Variants in LMBR1 observed in about 807,000 individuals in gnomAD.
LMBR1 encodes the protein limb region 1 protein homolog.
Under a neutral mutation model 73.9 loss-of-function variants are expected in LMBR1, and 52 were observed. That is an observed-to-expected ratio of 0.70 (90% confidence interval 0.56 to 0.89). The LOEUF (loss-of-function observed/expected upper bound fraction) is 0.89. LMBR1 is among the 40% of genes least tolerant of loss of function. The pLI is 0.00. For synonymous variants in LMBR1, 215 were observed against 209.4 expected, an observed-to-expected ratio of 1.03 and a Z score of -0.23; for missense variants, 539 against 579.8, an observed-to-expected ratio of 0.93 and a Z score of 0.72.
intron 15 of LMBR1, among the ~76,000 whole-genome samples, chr7:156,692,072 A>G (rs1476278157): frequency 6.6e-6 from 1 of 152,142 alleles, no homozygotes; most frequent in Admixed American, 6.5e-5. Flanking sequence ...TGTTGAAGCA[A>G]ACGCTTTACC....
At chr7:156,814,648 T>G (rs1053986839) in intron 4 of LMBR1, among the ~76,000 whole-genome samples, 9 of 152,246 alleles carry the variant, frequency 5.9e-5, no homozygotes, top group African/African-American at 2.2e-4. Context: ...CAATGGCAGA[T>G]AGCTAAGTGC....
chr7:156,729,968 A>C (rs1179714359), intron 10 of LMBR1, among the ~76,000 whole-genome samples: 1 of 152,248 alleles, frequency 6.6e-6, no homozygotes, highest in Non-Finnish European at 1.5e-5. Flanking sequence ...TATTCTGTGA[A>C]GTAAACTGAG....
At chr7:156,877,744 G>A (rs367960985) in intron 1 of LMBR1, among the ~76,000 whole-genome samples, 32 of 152,122 alleles carry the variant, frequency 2.1e-4, no homozygotes, top group Admixed American at 1.1e-3. Context: ...TTAGCTGGGC[G>A]CGGTGGCAGG....
intron 15 of LMBR1, among the ~76,000 whole-genome samples, chr7:156,721,124 C>T (rs78057277): frequency 0.032 from 4,871 of 152,090 alleles, 123 homozygotes; most frequent in South Asian, 0.084. Context: ...TTTTGTTTTA[C>T]TACCATAAGT....
intron 15 of LMBR1, among the ~76,000 whole-genome samples, chr7:156,704,755 T>TAA (rs201275771): frequency 1.2e-4 from 16 of 136,922 alleles, no homozygotes; most frequent in African/African-American, 2.1e-4. Context: ...TAGTTGTCTT[T>TAA]AAAAAAAAAA....
rs1585342879 is a variant in LMBR1, at chr7:156,716,630, T to G, written c.1225+7482A>C. On this transcript the variant is annotated intron_variant, in intron 15 of 16. Coordinates refer to ENST00000353442, the MANE Select transcript of LMBR1 (RefSeq NM_022458.4). The stretch of plus-strand genomic sequence containing the variant: ...AAACTTTCTCACTTGGAAAATTAAA[T>G]ATGTCCTTATTTCTTTTGGTTTGGT... Among the ~76,000 whole-genome samples the G allele has an allele frequency of 3.3e-5, 5 of 152,366 alleles. No homozygotes were observed. The South Asian group carries it at 1.0e-3, about 32-fold the overall frequency.
At chr7:156,773,344 C>T (rs192462243) in intron 5 of LMBR1, among the ~76,000 whole-genome samples, 57 of 152,190 alleles carry the variant, frequency 3.7e-4, no homozygotes, top group African/African-American at 1.2e-3. Flanking sequence ...AAAAAAACTA[C>T]TCTAAAATTC....
chr7:156,785,754 A>G (rs1229651914), intron 5 of LMBR1, among the ~76,000 whole-genome samples: 1 of 152,210 alleles, frequency 6.6e-6, no homozygotes, highest in Non-Finnish European at 1.5e-5. Context: ...AAGAATGCAA[A>G]AAAGTTAATA....
chr7:156,693,705 A>T (rs1585215241), intron 15 of LMBR1, among the ~76,000 whole-genome samples: 1 of 152,232 alleles, frequency 6.6e-6, no homozygotes, highest in East Asian at 1.9e-4. Context: ...AAATTCAACC[A>T]GACAATTCAA....
Position 156,728,674 on chromosome 7 carries a change from G to T in LMBR1, c.885C>A (p.Pro295=). ...ASAWERNLVY[P]AVMVLLLIET... ...CAATAAGAAGGAGAACCATAACAGC[G>T]GGATACACCAAATTTCTTTCCCATG... is the stretch of plus-strand genomic sequence containing the variant. The change falls in exon 11 of 17, where the codon CCC becomes CCA. Residue 295 remains proline, a synonymous_variant. Coordinates refer to ENST00000353442, the MANE Select transcript of LMBR1 (RefSeq NM_022458.4). 6.2e-7 allele frequency: 1 copy of T among 1,602,044 alleles called. No individual in the cohort carries two copies. The highest frequency in any genetic ancestry group is 8.5e-7 in the Non-Finnish European group (1 of 1,176,828).
intron 9 of LMBR1, among the ~76,000 whole-genome samples, chr7:156,739,642 C>T (rs1818530975): frequency 6.6e-6 from 1 of 152,220 alleles, no homozygotes; most frequent in Admixed American, 6.5e-5. Context: ...AAACAAGAGT[C>T]TCTTCCTGGT....
At chr7:156,854,015 T>G (rs911547378) in intron 1 of LMBR1, among the ~76,000 whole-genome samples, 1 of 145,264 alleles carries the variant, frequency 6.9e-6, no homozygotes, top group Non-Finnish European at 1.5e-5. Flanking sequence ...TGCCATACAC[T>G]AAAAGCAATC....
intron 4 of LMBR1, among the ~76,000 whole-genome samples, chr7:156,804,692 A>AT (rs914289285): frequency 1.5e-4 from 23 of 149,598 alleles, no homozygotes; most frequent in African/African-American, 2.2e-4. Flanking sequence ...CCATTTTTTC[A>AT]TTTTTTTTTA....
intron 15 of LMBR1, among the ~76,000 whole-genome samples, chr7:156,700,383 G>A (rs1337078011): frequency 8.2e-6 from 1 of 122,200 alleles, no homozygotes; most frequent in Non-Finnish European, 1.6e-5. Flanking sequence ...CACTCACCTC[G>A]GACTGTTGTG....
chr7:156,853,776 C>T (rs948354487), intron 1 of LMBR1, among the ~76,000 whole-genome samples: 2 of 152,098 alleles, frequency 1.3e-5, no homozygotes, highest in African/African-American at 4.8e-5. Context: ...CCGCCTCAGC[C>T]TCCCAAGTAG....
intron 3 of LMBR1, 59 bp from the exon 4 acceptor site, chr7:156,826,803 CA>C (rs1301897086): frequency 6.8e-7 from 1 of 1,472,498 alleles, no homozygotes. Context: ...ACACGAAAGT[CA>C]TCAAAAAGAA....
chr7:156,825,207 A>G (rs1222155609), intron 4 of LMBR1, among the ~76,000 whole-genome samples: 2 of 152,250 alleles, frequency 1.3e-5, no homozygotes, highest in African/African-American at 4.8e-5. Context: ...ACTAAGAAAA[A>G]AAATTTTCAA....
chr7:156,676,516 T>A, downstream of LMBR1: 2 of 1,614,048 alleles, frequency 1.2e-6, no homozygotes, highest in Non-Finnish European at 1.7e-6. Context: ...TCCAGAGAGA[T>A]GGCCCTCCTG....
At chr7:156,701,428 A>T (rs1437186994) in intron 15 of LMBR1, among the ~76,000 whole-genome samples, 2 of 152,216 alleles carry the variant, frequency 1.3e-5, no homozygotes, top group Non-Finnish European at 2.9e-5. Flanking sequence ...TGAGTAGAAG[A>T]AGTCAGGTAA....
Sources: allele counts gnomAD v4.1 joint callset (sites outside exome capture counted in the v4.1 genomes callset), GRCh38; gene constraint gnomAD v4.1.1; transcripts MANE v1.5; gene names NCBI Gene and HGNC (gene_info 2026-07-23, HGNC 2026-07-21).